Variants in MTR observed in about 807,000 individuals in gnomAD.
The protein encoded by MTR is methionine synthase.
MTR carries 84 observed loss-of-function variants against 154.8 expected under a neutral mutation model. That is an observed-to-expected ratio of 0.54 (90% CI 0.45 to 0.65). The LOEUF (loss-of-function observed/expected upper bound fraction) is 0.65. Among genes scored for constraint, MTR ranks in the 30% least tolerant of loss-of-function variants. The pLI, the probability that MTR is intolerant of heterozygous loss-of-function variation, is 0.00. For missense variants in MTR, 1,275 were observed against 1,570.2 expected (o/e 0.81, Z 3.18); for synonymous variants, 554 against 553.9 (o/e 1.00, Z 0.00).
intron 5 of MTR, among the ~76,000 whole-genome samples, 184 bp from the exon 6 acceptor site, chr1:236,812,554 T>C (rs1661365627): frequency 6.6e-6 from 1 of 152,242 alleles, no homozygotes; most frequent in Non-Finnish European, 1.5e-5. Context: ...TGCCTTCAGC[T>C]TACTTGTTTA....
intron 17 of MTR, 55 bp downstream of exon 17, chr1:236,852,692 GT>G: frequency 1.3e-6 from 2 of 1,494,376 alleles, no homozygotes; most frequent in Non-Finnish European, 1.9e-6. Flanking sequence ...TGGGGCAGGG[GT>G]TTTCAAAGTG....
At position 236,796,065 on chromosome 1, in the gene MTR, GT is replaced by G. The variant is rs879419129; in HGVS notation, c.34+339del. The stretch of plus-strand genomic sequence containing the variant: ...CATAAACCAGCTGGGCCCTCTGGAA[GT>G]TTTTTTTTTTGCATGGTGTGACGCT... On this transcript the variant is annotated intron_variant, in intron 1 of 32. Transcript: ENST00000366577. Among the ~76,000 whole-genome samples, 97 of 147,080 alleles carry G rather than the reference GT, an allele frequency of 6.6e-4. 1 individual carries two copies. The highest frequency in any genetic ancestry group is 3.3e-4 in the Non-Finnish European group (22 of 66,314).
At chr1:236,825,208 T>G (rs1662220003) in intron 9 of MTR, 130 bp from the exon 10 acceptor site, 4 of 501,960 alleles carry the variant, frequency 8.0e-6, no homozygotes, top group Non-Finnish European at 1.4e-5. Context: ...GAATATTATG[T>G]GTTTGTTTTT....
Position 236,894,339 on chromosome 1 carries a change from A to G in MTR, c.3205-18A>G, listed in dbSNP as rs1000607920. Reference sequence around the variant, plus strand: ...GCTAACGGCGCCCCCGCACACTCCTACACTCCTTGGTTTTAAGGCTGAGAA... The same window carrying G: ...GCTAACGGCGCCCCCGCACACTCCTGCACTCCTTGGTTTTAAGGCTGAGAA... On this transcript the variant is annotated intron_variant, in intron 29 of 32. Coordinates refer to ENST00000366577, the MANE Select transcript of MTR (RefSeq NM_000254.3). 4 of 1,613,854 alleles carry G rather than the reference A, an allele frequency of 2.5e-6. No homozygotes were observed. The highest frequency in any genetic ancestry group is 1.1e-5 in the South Asian group (1 of 91,086).
chr1:236,831,661 GATT>G (rs1335845321), intron 12 of MTR, among the ~76,000 whole-genome samples: 1 of 152,310 alleles, frequency 6.6e-6, no homozygotes, highest in Admixed American at 6.5e-5. Flanking sequence ...AGGGGTTGAT[GATT>G]ATTTTTCCTT....
intron 12 of MTR, among the ~76,000 whole-genome samples, chr1:236,829,713 CAT>C (rs1260250357): frequency 1.3e-5 from 2 of 152,144 alleles, no homozygotes; most frequent in Non-Finnish European, 2.9e-5. Flanking sequence ...ACATTTGCCA[CAT>C]GTTTAGGACT....
chr1:236,806,391 C>T (rs1206511284), intron 3 of MTR, among the ~76,000 whole-genome samples, 158 bp downstream of exon 3: 1 of 152,182 alleles, frequency 6.6e-6, no homozygotes, highest in African/African-American at 2.4e-5. Flanking sequence ...ATCCTTCCAG[C>T]TTGTGAACAC....
At chr1:236,875,418 G>A (rs74802867) in intron 24 of MTR, among the ~76,000 whole-genome samples, 1 of 152,166 alleles carries the variant, frequency 6.6e-6, no homozygotes, top group South Asian at 2.1e-4. Flanking sequence ...AGATGAGAAA[G>A]TTCAAATTTG....
rs1664536267 is a variant in MTR, at chr1:236,861,390, A to G, written c.2196+113A>G. The stretch of plus-strand genomic sequence containing the variant: ...TTAATTTGGACAAGAGTTCAATGGT[A>G]TTGGCTAGTCATTCCTTCTCTAAAT... On this transcript the variant is annotated intron_variant, in intron 20 of 32. Coordinates refer to ENST00000366577, the MANE Select transcript of MTR (RefSeq NM_000254.3). The G allele has an allele frequency of 2.1e-6, 3 of 1,418,252 alleles. No individual in the cohort carries two copies. The South Asian group carries it at 3.5e-5, about 17-fold the overall frequency. The allele number at this position is 1,418,252 out of a possible 1,614,324, so 87.9% of individuals were successfully genotyped here.
chr1:236,896,062 T>C (rs905740850), intron 31 of MTR, among the ~76,000 whole-genome samples: 1 of 152,226 alleles, frequency 6.6e-6, no homozygotes, highest in Admixed American at 6.5e-5. Context: ...TTCTCTGTTA[T>C]GTTTTGCCTG....
In MTR at chr1:236,838,509, G is replaced by A. The variant is rs1464958347; in HGVS notation, c.1425G>A (p.Lys475=). The change falls in exon 15 of 33, where the codon AAG becomes AAA. Residue 475 remains lysine (K), a synonymous_variant. Transcript: ENST00000366577. ...GKCIVNSISL[K]EGEDDFLEKA... ...GCATTGTCAATAGCATTAGTCTGAA[G>A]GAAGGAGAGGACGACTTCTTGGAGA... is the stretch of plus-strand genomic sequence containing the variant. The A allele has an allele frequency of 2.5e-6, 4 of 1,614,128 alleles. No individual in the cohort carries two copies. The African/African-American group carries it at 4.0e-5, about 16-fold the overall frequency.
intron 8 of MTR, among the ~76,000 whole-genome samples, chr1:236,817,375 C>A (rs1004053143): frequency 2.0e-5 from 3 of 152,110 alleles, no homozygotes; most frequent in Non-Finnish European, 4.4e-5. Context: ...TCTCAAGAAT[C>A]TTCCCTCCAG....
intron 1 of MTR, chr1:236,800,466 CT>C: frequency 1.0e-6 from 1 of 985,418 alleles, no homozygotes; most frequent in Non-Finnish European, 1.2e-6. Flanking sequence ...AGCGATTCAG[CT>C]GGGCATGTAG....
At chr1:236,842,648 T>G (rs749737760) in intron 15 of MTR, among the ~76,000 whole-genome samples, 5 of 152,064 alleles carry the variant, frequency 3.3e-5, no homozygotes, top group Non-Finnish European at 1.5e-5. Context: ...AAATATATCC[T>G]GAGCACTTAG....
rs45534439 is a variant in MTR at position 236,860,094 on chromosome 1, A to G, written c.2043+172A>G. ...GCCCCCCCCCCCCCCCCCCCCCACC[A>G]TAGCACATTTGACAGTGTTCAGAGA... On this transcript the variant is annotated intron_variant, in intron 19 of 32. Transcript: ENST00000366577. Among the ~76,000 whole-genome samples the G allele has an allele frequency of 0.45, 27,420 of 61,358 alleles. 4,842 individuals carry two copies. The highest frequency in any genetic ancestry group is 0.57 in the East Asian group (1,064 of 1,854). 40.3% of individuals were successfully genotyped at this position (61,358 alleles called of 152,430 possible).
chr1:236,858,681 G>A (rs534358251), intron 18 of MTR, among the ~76,000 whole-genome samples: 16 of 152,314 alleles, frequency 1.1e-4, no homozygotes, highest in African/African-American at 3.1e-4. Context: ...TGGAAGCAGG[G>A]TGGAGAGAAA....
intron 15 of MTR, among the ~76,000 whole-genome samples, chr1:236,846,210 A>G (rs1334433618): frequency 6.6e-6 from 1 of 152,224 alleles, no homozygotes; most frequent in Non-Finnish European, 1.5e-5. Flanking sequence ...AAGATACAGG[A>G]CACCTTTATT....
At position 236,902,967 on chromosome 1, in the gene MTR, T is replaced by G. The variant is rs964225323; in HGVS notation, c.*5323T>G. The G allele has an allele frequency of 1.4e-4, 21 of 152,176 alleles. No individual in the cohort carries two copies. Among genetic ancestry groups the G allele is most frequent in the African/African-American group, 5.1e-4 (21 of 41,436 alleles). The allele number at this position is 152,176 out of a possible 1,614,324, so 9.4% of individuals were successfully genotyped here. A position where few individuals can be genotyped will look rare whatever the true frequency, so the allele number is the denominator to read the frequency against. The stretch of plus-strand genomic sequence containing the variant: ...GTATAAGGAAATATACACCAGTATA[T>G]GCATTAAAACGTCAAGAAGAGCTGG... On this transcript the variant is annotated 3_prime_UTR_variant, in exon 33 of 33. Coordinates refer to ENST00000366577, the MANE Select transcript of MTR (RefSeq NM_000254.3).
chr1:236,803,344 T>C, intron 1 of MTR, 84 bp from the exon 2 acceptor site: 1 of 1,275,528 alleles, frequency 7.8e-7, no homozygotes, highest in East Asian at 2.4e-5. Flanking sequence ...TATTGGAGAT[T>C]ATTATAAATT....
Sources: allele counts gnomAD v4.1 joint callset (sites outside exome capture counted in the v4.1 genomes callset), GRCh38; gene constraint gnomAD v4.1.1; transcripts MANE v1.5; gene names NCBI Gene and HGNC (gene_info 2026-07-23, HGNC 2026-07-21).